Variants in KCNQ1OT1 observed in about 807,000 individuals in gnomAD.
The protein encoded by KCNQ1OT1 is KCNQ1 antisense RNA 2 (non-protein coding).
rs1032063883 is a variant in KCNQ1OT1, at chr11:2,674,471, C to T, written n.25524G>A. 7 of 398,566 alleles carry T rather than the reference C, an allele frequency of 1.8e-5. 1 individual carries two copies. The highest frequency in any genetic ancestry group is 1.1e-4 in the East Asian group (3 of 28,044). 24.7% of individuals were successfully genotyped at this position (398,566 alleles called of 1,614,324 possible). A position where few individuals can be genotyped will look rare whatever the true frequency, so the allele number is the denominator to read the frequency against. On this transcript the variant is annotated non_coding_transcript_exon_variant, in exon 1 of 1. Coordinates refer to ENST00000597346, the Ensembl canonical transcript of KCNQ1OT1. The surrounding 1 kb of genome is among the most constrained non-coding windows in gnomAD (Gnocchi z 5.9). ...GCACGTGGGGAGGAGGGCTGCCTGT[C>T]GAGATGTGTAAGATGGCCCCAGTGT...
At chr11:2,637,963 G>A (rs1849503477) in exon 1 of KCNQ1OT1, 1 of 152,056 alleles carries the variant, frequency 6.6e-6, no homozygotes. Context: ...GATCTTTATT[G>A]GTTTAAAGTC....
At chr11:2,629,284 T>C in exon 1 of KCNQ1OT1, 1 of 398,424 alleles carries the variant, frequency 2.5e-6, no homozygotes, top group South Asian at 1.3e-4. Flanking sequence ...TTTCATAGTT[T>C]TCAGTGTCTA....
exon 1 of KCNQ1OT1, chr11:2,636,791 T>G (rs1225920891): frequency 1.3e-5 from 2 of 152,258 alleles, no homozygotes; most frequent in Non-Finnish European, 2.9e-5. Context: ...TCTGGTAGAA[T>G]TCGGCTGTGA....
chr11:2,667,127 A>G (rs892985118), exon 1 of KCNQ1OT1: 13 of 398,536 alleles, frequency 3.3e-5, no homozygotes, highest in Non-Finnish European at 5.3e-5. Context: ...GCTCAGTGGG[A>G]AAGAGATGGG....
At chr11:2,629,285 T>G in exon 1 of KCNQ1OT1, 1 of 398,412 alleles carries the variant, frequency 2.5e-6, no homozygotes, top group Non-Finnish European at 4.4e-6. Context: ...TTCATAGTTT[T>G]CAGTGTCTAG....
At chr11:2,637,171 C>G (rs1589996253) in exon 1 of KCNQ1OT1, 1 of 152,018 alleles carries the variant, frequency 6.6e-6, no homozygotes, top group East Asian at 1.9e-4. Context: ...TTTTTTGTGT[C>G]TCTATCTCCT....
In KCNQ1OT1 at chr11:2,621,702, T is replaced by C; in HGVS notation, n.78293A>G. On this transcript the variant is annotated non_coding_transcript_exon_variant, in exon 1 of 1. Transcript: ENST00000597346. This position sits in a 1 kb window ranked among gnomAD's most constrained non-coding sequence, Gnocchi z 5.7. ...TTCATAAAAGTCCCTTATGATCCTTTTTATTTCTGAAGTACCTGTTGTAAT... is the reference window on the plus strand; with the variant it reads ...TTCATAAAAGTCCCTTATGATCCTTCTTATTTCTGAAGTACCTGTTGTAAT... The C allele has an allele frequency of 2.5e-6, 1 of 398,518 alleles. No individual in the cohort carries two copies. Among genetic ancestry groups the C allele is most frequent in the East Asian group, 3.6e-5 (1 of 28,028 alleles). 24.7% of individuals were successfully genotyped at this position (398,518 alleles called of 1,614,324 possible).
exon 1 of KCNQ1OT1, chr11:2,693,800 A>G: frequency 2.5e-6 from 1 of 398,798 alleles, no homozygotes; most frequent in East Asian, 3.6e-5. Flanking sequence ...GGAGCATGGC[A>G]CAGGCTGATA....
exon 1 of KCNQ1OT1, chr11:2,692,717 G>C (rs1166241246): frequency 2.5e-6 from 1 of 398,558 alleles, no homozygotes; most frequent in African/African-American, 2.1e-5. Flanking sequence ...TGGGAGGGTA[G>C]GCAGGTCCCT....
rs748475561 is a variant in KCNQ1OT1, at chr11:2,676,694, C to T, written n.23301G>A. 2.5e-5 allele frequency: 10 copies of T among 398,548 alleles called. No homozygotes were observed. Among genetic ancestry groups the T allele is most frequent in the Non-Finnish European group, 4.4e-5 (10 of 226,082 alleles). The allele number at this position is 398,548 out of a possible 1,614,324, so 24.7% of individuals were successfully genotyped here. ...TTCCAAGGGAGCACTAACTGGACTACAGCCTGGCAGGAGATAACCAAGTCA... is the reference window on the plus strand; with the variant it reads ...TTCCAAGGGAGCACTAACTGGACTATAGCCTGGCAGGAGATAACCAAGTCA... On this transcript the variant is annotated non_coding_transcript_exon_variant, in exon 1 of 1. Coordinates refer to ENST00000597346, the Ensembl canonical transcript of KCNQ1OT1. This position sits in a 1 kb window ranked among gnomAD's most constrained non-coding sequence, Gnocchi z 4.2.
chr11:2,689,064 C>G, exon 1 of KCNQ1OT1: 1 of 398,896 alleles, frequency 2.5e-6, no homozygotes, highest in Middle Eastern at 6.3e-4. Context: ...ACCTCCTCCT[C>G]CCCGGTGGCA....
At chr11:2,693,914 A>C in exon 1 of KCNQ1OT1, 1 of 398,756 alleles carries the variant, frequency 2.5e-6, no homozygotes, top group Non-Finnish European at 4.4e-6. Context: ...GTGTACTGCA[A>C]ACCTGGATCC....
chr11:2,631,455 T>C (rs1254839245), exon 1 of KCNQ1OT1: 1 of 398,490 alleles, frequency 2.5e-6, no homozygotes, highest in South Asian at 1.3e-4. Context: ...TATTTCTTTA[T>C]TGAATGTCTC....
At chr11:2,609,646 A>G (rs1397918553) in exon 1 of KCNQ1OT1, 2 of 398,316 alleles carry the variant, frequency 5.0e-6, no homozygotes, top group Non-Finnish European at 8.9e-6. Flanking sequence ...CTATTGTTGA[A>G]TTGGCTATTT....
At position 2,608,586 on chromosome 11, in the gene KCNQ1OT1, G is replaced by A. The variant is rs578205644; in HGVS notation, n.91409C>T. 1 of 398,386 alleles carries A rather than the reference G, an allele frequency of 2.5e-6. No homozygotes were observed. Among genetic ancestry groups the A allele is most frequent in the East Asian group, 3.6e-5 (1 of 28,058 alleles). The allele number at this position is 398,386 out of a possible 1,614,324, so 24.7% of individuals were successfully genotyped here. A position where few individuals can be genotyped will look rare whatever the true frequency, so the allele number is the denominator to read the frequency against. Reference sequence around the variant, plus strand: ...GATCTCCTAGTCTCAAGTGATCCTTGCCCCTTAGCCTATGACAGGTGTGCA... The same window carrying A: ...GATCTCCTAGTCTCAAGTGATCCTTACCCCTTAGCCTATGACAGGTGTGCA... On this transcript the variant is annotated non_coding_transcript_exon_variant, in exon 1 of 1. Transcript: ENST00000597346. The surrounding 1 kb of genome is among the most constrained non-coding windows in gnomAD (Gnocchi z 4.6).
rs1849063837 is a variant in KCNQ1OT1 at position 2,616,342 on chromosome 11, C to A, written n.83653G>T. On this transcript the variant is annotated non_coding_transcript_exon_variant, in exon 1 of 1. Transcript: ENST00000597346. Reference sequence around the variant, plus strand: ...CTTTGATCTTTTCAAAAACAAGCAACTTTTGGTTTTGTTAAATTATCTCTG... The same window carrying A: ...CTTTGATCTTTTCAAAAACAAGCAAATTTTGGTTTTGTTAAATTATCTCTG... 5 of 397,514 alleles carry A rather than the reference C, an allele frequency of 1.3e-5. No individual in the cohort carries two copies. The South Asian group carries it at 6.4e-4, about 51-fold the overall frequency. The allele number at this position is 397,514 out of a possible 1,614,324, so 24.6% of individuals were successfully genotyped here.
chr11:2,698,463 T>C lies in KCNQ1OT1; in HGVS notation n.1532A>G. On this transcript the variant is annotated non_coding_transcript_exon_variant, in exon 1 of 1. Coordinates refer to ENST00000597346, the Ensembl canonical transcript of KCNQ1OT1. This position sits in a 1 kb window ranked among gnomAD's most constrained non-coding sequence, Gnocchi z 5.1. The stretch of plus-strand genomic sequence containing the variant: ...ACTGAGACCTGCATCTGATCAACTC[T>C]CATCTCCAATATGACCAAGAGACTT... 1 of 398,498 alleles carries C rather than the reference T, an allele frequency of 2.5e-6. No homozygotes were observed. 24.7% of individuals were successfully genotyped at this position (398,498 alleles called of 1,614,324 possible). A position where few individuals can be genotyped will look rare whatever the true frequency, so the allele number is the denominator to read the frequency against.
chr11:2,683,297 A>C lies in KCNQ1OT1; in HGVS notation n.16698T>G. On this transcript the variant is annotated non_coding_transcript_exon_variant, in exon 1 of 1. Coordinates refer to ENST00000597346, the Ensembl canonical transcript of KCNQ1OT1. The surrounding 1 kb of genome is among the most constrained non-coding windows in gnomAD (Gnocchi z 4.7). ...TATGGGCAATGGCGTTTTAGTTTGC[A>C]AAACCAGACACATAGAGGCCAGGTT... is the stretch of plus-strand genomic sequence containing the variant. 1 of 398,600 alleles carries C rather than the reference A, an allele frequency of 2.5e-6. No individual in the cohort carries two copies. Among genetic ancestry groups the C allele is most frequent in the East Asian group, 3.6e-5 (1 of 28,074 alleles). The allele number at this position is 398,600 out of a possible 1,614,324, so 24.7% of individuals were successfully genotyped here.
chr11:2,647,754 C>T lies in KCNQ1OT1; in HGVS notation n.52241G>A, dbSNP rs1849688244. On this transcript the variant is annotated non_coding_transcript_exon_variant, in exon 1 of 1. Coordinates refer to ENST00000597346, the Ensembl canonical transcript of KCNQ1OT1. This position sits in a 1 kb window ranked among gnomAD's most constrained non-coding sequence, Gnocchi z 4.0. ...TATATGTCCAGGAATTTATCTCTTTCCTCTAGGTTTTCTAATTGTTGACAT... is the reference window on the plus strand; with the variant it reads ...TATATGTCCAGGAATTTATCTCTTTTCTCTAGGTTTTCTAATTGTTGACAT... 1 of 398,266 alleles carries T rather than the reference C, an allele frequency of 2.5e-6. No homozygotes were observed. The highest frequency in any genetic ancestry group is 1.3e-4 in the South Asian group (1 of 7,850). 24.7% of individuals were successfully genotyped at this position (398,266 alleles called of 1,614,324 possible).
Sources: allele counts gnomAD v4.1 joint callset, GRCh38; gene constraint gnomAD v4.1.1; non-coding constraint Gnocchi (gnomAD v3.1); transcripts MANE v1.5; gene names NCBI Gene and HGNC (gene_info 2026-07-23, HGNC 2026-07-21).